Variants in DCAF8L2 observed in about 807,000 individuals in gnomAD.
The protein encoded by DCAF8L2 is DDB1- and CUL4-associated factor 8-like protein 2.
For missense variants in DCAF8L2, 430 were observed against 490.7 expected (o/e 0.88, Z 1.17); for synonymous variants, 200 against 190.9 (o/e 1.05, Z -0.39).
At chrX:27,544,195 A>G in the DCAF8L2 span, among the ~76,000 whole-genome samples, 11 of 111,414 alleles carry the variant, frequency 9.9e-5, no homozygotes, top group African/African-American at 1.3e-4. Flanking sequence ...TCTCCTTTCT[A>G]TAACCTCTTT....
intron 3 of DCAF8L2, among the ~76,000 whole-genome samples, chrX:27,707,590 C>T (rs976231960): frequency 9.0e-6 from 1 of 111,525 alleles, no homozygotes; most frequent in Non-Finnish European, 1.9e-5. Context: ...AAACTAGAAT[C>T]GAGTGTTGCA....
chrX:27,557,832 A>G, the DCAF8L2 span, among the ~76,000 whole-genome samples: 3 of 111,054 alleles, frequency 2.7e-5, no homozygotes, highest in Admixed American at 9.6e-5. Context: ...CAGAGTTCAC[A>G]CTTTATTCCA....
chrX:27,704,157 T>C lies in DCAF8L2; in HGVS notation c.-142-11931T>C, dbSNP rs774662997. 4.3e-5 allele frequency among the ~76,000 whole-genome samples: 3 copies of C among 70,348 alleles called. No individual in the cohort carries two copies. The South Asian group carries it at 1.5e-3, about 35-fold the overall frequency. The allele number at this position is 70,348 out of a possible 115,157, so 61.1% of individuals were successfully genotyped here. A position where few individuals can be genotyped will look rare whatever the true frequency, so the allele number is the denominator to read the frequency against. On this transcript the variant is annotated intron_variant, in intron 3 of 4. Transcript: ENST00000451261. ...GGTTATTGTGAATAGTGCTGCAGTA[T>C]ATATATATATATATATACATATACA...
the DCAF8L2 span, among the ~76,000 whole-genome samples, chrX:27,487,599 G>T: frequency 8.9e-6 from 1 of 112,088 alleles, no homozygotes; most frequent in Non-Finnish European, 1.9e-5. Context: ...TTACATTTTT[G>T]ATATAGAGAA....
intron 1 of DCAF8L2, among the ~76,000 whole-genome samples, chrX:27,592,421 T>TG (rs201402055): frequency 1.4e-4 from 14 of 100,997 alleles, no homozygotes; most frequent in African/African-American, 4.7e-4. Flanking sequence ...GTTTTTGTTT[T>TG]TTTTTTTTTT....
At chrX:27,499,539 A>C in the DCAF8L2 span, among the ~76,000 whole-genome samples, 1 of 111,941 alleles carries the variant, frequency 8.9e-6, no homozygotes, top group Non-Finnish European at 1.9e-5. Context: ...TTATGAAGAA[A>C]AGAGGTTTCA....
chrX:27,487,221 A>G, the DCAF8L2 span, among the ~76,000 whole-genome samples: 2 of 111,681 alleles, frequency 1.8e-5, no homozygotes, highest in East Asian at 5.6e-4. Flanking sequence ...TCTTCTTGCT[A>G]TTGACAAGGA....
In DCAF8L2 at chrX:27,747,159, G is replaced by A; in HGVS notation, c.264G>A (p.Glu88=). 1 of 1,167,529 alleles carries A rather than the reference G, an allele frequency of 8.6e-7. No individual in the cohort carries two copies. The highest frequency in any genetic ancestry group is 1.9e-5 in the South Asian group (1 of 52,706). The change falls in exon 5 of 5, where the codon GAG becomes GAA. Residue 88 remains glutamate (E), a synonymous_variant. Transcript: ENST00000451261. ...ASEDIELESL[E]DFEHFLMSGE... Reference sequence around the variant, plus strand: ...AAGACATCGAACTTGAGAGCTTGGAGGACTTTGAGCATTTCCTCATGAGTG... The same window carrying A: ...AAGACATCGAACTTGAGAGCTTGGAAGACTTTGAGCATTTCCTCATGAGTG...
chrX:27,545,470 G>A, the DCAF8L2 span, among the ~76,000 whole-genome samples: 3 of 112,138 alleles, frequency 2.7e-5, no homozygotes, highest in Admixed American at 2.8e-4. Flanking sequence ...TGACAGAAAT[G>A]TTTTTTAGAT....
intron 2 of DCAF8L2, among the ~76,000 whole-genome samples, chrX:27,663,805 C>A (rs1358279449): frequency 9.2e-6 from 1 of 108,317 alleles, no homozygotes; most frequent in Non-Finnish European, 1.9e-5. Flanking sequence ...TCAAGCAATT[C>A]TCTTGTCTCA....
chrX:27,489,531 G>A, the DCAF8L2 span, among the ~76,000 whole-genome samples: 3,022 of 112,507 alleles, frequency 0.027, 48 homozygotes, highest in Non-Finnish European at 0.037. Context: ...CTGTATTGAT[G>A]TACCTTTTAA....
chrX:27,521,826 C>G, the DCAF8L2 span, among the ~76,000 whole-genome samples: 3,565 of 111,630 alleles, frequency 0.032, 142 homozygotes, highest in African/African-American at 0.11. Flanking sequence ...TATGTATATA[C>G]TAAGCATCCT....
the DCAF8L2 span, among the ~76,000 whole-genome samples, chrX:27,546,559 C>T: frequency 8.9e-6 from 1 of 112,500 alleles, no homozygotes; most frequent in Non-Finnish European, 1.9e-5. Flanking sequence ...CCTGCTCCTC[C>T]AGCAGACTTC....
chrX:27,743,491 G>A (rs1357709781), intron 4 of DCAF8L2, among the ~76,000 whole-genome samples: 4 of 109,396 alleles, frequency 3.7e-5, no homozygotes, highest in East Asian at 2.9e-4. Flanking sequence ...TCTGCCTCCC[G>A]GGTTCAAGCG....
At chrX:27,471,540 C>T in the DCAF8L2 span, among the ~76,000 whole-genome samples, 13 of 111,029 alleles carry the variant, frequency 1.2e-4, no homozygotes, top group South Asian at 3.8e-4. Flanking sequence ...CAGACCTCCA[C>T]GCCCCTATAT....
At chrX:27,670,836 C>G (rs960207883) in intron 2 of DCAF8L2, among the ~76,000 whole-genome samples, 2 of 111,648 alleles carry the variant, frequency 1.8e-5, no homozygotes, top group Admixed American at 1.9e-4. Flanking sequence ...TCTCTCATCG[C>G]TCTGACATCA....
At chrX:27,639,122 C>T (rs1324990991) in intron 2 of DCAF8L2, among the ~76,000 whole-genome samples, 2 of 112,277 alleles carry the variant, frequency 1.8e-5, no homozygotes, top group Non-Finnish European at 3.8e-5. Context: ...AAAATAATGA[C>T]ATCCAGTCAT....
chrX:27,593,958 C>G (rs762610777), intron 1 of DCAF8L2, among the ~76,000 whole-genome samples: 1 of 112,086 alleles, frequency 8.9e-6, no homozygotes, highest in South Asian at 3.7e-4. Context: ...TTGTTGGGTG[C>G]TTAGCTAGAC....
chrX:27,667,753 C>T (rs1298253679), intron 2 of DCAF8L2, among the ~76,000 whole-genome samples: 1 of 112,367 alleles, frequency 8.9e-6, no homozygotes, highest in African/African-American at 3.2e-5. Flanking sequence ...CTTTATTCTT[C>T]TGTGAGCATT....
Sources: allele counts gnomAD v4.1 joint callset (sites outside exome capture counted in the v4.1 genomes callset), GRCh38; gene constraint gnomAD v4.1.1; transcripts MANE v1.5; gene names NCBI Gene and HGNC (gene_info 2026-07-23, HGNC 2026-07-21).